The following ZRSR2 variants were observed in gnomAD, a reference collection of about 807,000 sequenced individuals.
The protein encoded by ZRSR2 is zinc finger CCCH-type, RNA binding motif and serine/arginine rich 2.
Under a neutral mutation model 39.4 loss-of-function variants are expected in ZRSR2, and 3 were observed. That is an observed-to-expected ratio of 0.08 (90% CI 0.03 to 0.20). The LOEUF (loss-of-function observed/expected upper bound fraction) is 0.20, where lower values mean the gene tolerates loss of function less well. Among genes scored for constraint, ZRSR2 ranks in the 10% least tolerant of loss-of-function variants. The pLI is 1.00. For missense variants in ZRSR2, 256 were observed against 391.5 expected (o/e 0.65, Z 2.92); for synonymous variants, 137 against 136.0 (o/e 1.01, Z -0.05).
At position 15,823,092 on chromosome X, in the gene ZRSR2, C is replaced by T; in HGVS notation, c.1299C>T (p.Arg433=). Residue 433 remains arginine (R), a synonymous_variant, in exon 11 of 11, where the codon CGC becomes CGT. Transcript: ENST00000307771. The part of the protein sequence containing the change: ...RGRNRDRSRD[R]SRGRGSRSRS... ...GAAATAGGGACCGCAGCAGGGACCG[C>T]AGCCGGGGCCGGGGCAGCCGGAGCC... The T allele has an allele frequency of 1.7e-6, 2 of 1,206,919 alleles. No homozygotes were observed. Among genetic ancestry groups the T allele is most frequent in the Non-Finnish European group, 2.2e-6 (2 of 892,745 alleles).
intron 1 of ZRSR2, 177 bp from the exon 2 acceptor site, chrX:15,790,757 C>T (rs1269079861): frequency 9.9e-6 from 6 of 607,557 alleles, no homozygotes; most frequent in Admixed American, 3.6e-5. Context: ...GAAGAACTGT[C>T]TGGGAGTGGG....
At chrX:15,808,624 CTTTTTTT>C (rs776535835) in intron 6 of ZRSR2, among the ~76,000 whole-genome samples, 1 of 94,928 alleles carries the variant, frequency 1.1e-5, no homozygotes, top group African/African-American at 3.9e-5. Context: ...CTCTTTTTTT[CTTTTTTT>C]TTTTTTTGAG....
chrX:15,804,145 G>T lies in ZRSR2; in HGVS notation c.347G>T (p.Arg116Met), dbSNP rs767518633. ...AAGGAACAATGGGAAGAACAGCAGA[G>T]GAAAGAGAGAGAAGAGGAGGAGCAG... ...KLKEQWEEQQRKEREEEEQKR... is the reference protein window; with the variant it reads ...KLKEQWEEQQMKEREEEEQKR... Residue 116 changes from arginine (R) to methionine (M), a missense_variant, in exon 5 of 11, where the codon AGG becomes ATG. By Grantham distance (91) the Arg-to-Met change is moderately conservative. Transcript: ENST00000307771. 5.0e-6 allele frequency: 6 copies of T among 1,195,626 alleles called. No individual in the cohort carries two copies. Among genetic ancestry groups the T allele is most frequent in the Non-Finnish European group, 6.7e-6 (6 of 889,400 alleles).
At chrX:15,803,888 A>T in intron 4 of ZRSR2, 92 bp downstream of exon 4, 1 of 1,097,797 alleles carries the variant, frequency 9.1e-7, no homozygotes, top group African/African-American at 1.8e-5. Flanking sequence ...GGTTGGAGTG[A>T]GCTGAGATCA....
intron 2 of ZRSR2, among the ~76,000 whole-genome samples, chrX:15,793,205 AT>A (rs1293305784): frequency 1.8e-5 from 2 of 112,174 alleles, no homozygotes; most frequent in African/African-American, 3.2e-5. Flanking sequence ...AATATTATAT[AT>A]TCTAAATTTG....
intron 8 of ZRSR2, among the ~76,000 whole-genome samples, chrX:15,817,028 A>G (rs1422227559): frequency 4.5e-5 from 5 of 111,665 alleles, no homozygotes; most frequent in Admixed American, 1.9e-4. Flanking sequence ...TGGTTTGACT[A>G]GCCTTGTCAC....
Position 15,804,127 on chromosome X carries a change from A to G in ZRSR2, c.329A>G (p.Gln110Arg). Residue 110 changes from glutamine (Q) to arginine (R), a missense_variant, in exon 5 of 11, where the codon CAA becomes CGA. Physicochemically the swap from Gln to Arg is conservative, Grantham distance 43. Transcript: ENST00000307771. ...QEEQERKLKE[Q>R]WEEQQRKERE... The stretch of plus-strand genomic sequence containing the variant: ...CCTTTAAAGAGAAAGTTAAAGGAAC[A>G]ATGGGAAGAACAGCAGAGGAAAGAG... 1 of 1,191,758 alleles carries G rather than the reference A, an allele frequency of 8.4e-7. No individual in the cohort carries two copies. The highest frequency in any genetic ancestry group is 1.1e-6 in the Non-Finnish European group (1 of 889,135).
intron 9 of ZRSR2, among the ~76,000 whole-genome samples, chrX:15,819,542 ACT>A (rs1933052961): frequency 9.0e-6 from 1 of 110,932 alleles, no homozygotes; most frequent in South Asian, 3.8e-4. Context: ...GTACCACGAC[ACT>A]CTAGCCTGGG....
At chrX:15,809,770 A>G (rs1370354842) in intron 7 of ZRSR2, among the ~76,000 whole-genome samples, 1 of 111,517 alleles carries the variant, frequency 9.0e-6, no homozygotes, top group African/African-American at 3.3e-5. Flanking sequence ...TGACCACACC[A>G]CTGCACTCCA....
rs1470360405 is a variant in ZRSR2, at chrX:15,818,621, A to G, written c.806A>G (p.Asn269Ser). Residue 269 changes from asparagine (N) to serine (S), a missense_variant, in exon 9 of 11, where the codon AAT becomes AGT. Coordinates refer to ENST00000307771, the MANE Select transcript of ZRSR2 (RefSeq NM_005089.4). ...AATTTGGAACCTCACCTGAGGGGCA[A>G]TGTATATGTTCAGTACCAGTCGTAA... ...SCNLEPHLRGNVYVQYQSEEE... is the reference protein window; with the variant it reads ...SCNLEPHLRGSVYVQYQSEEE... 1.7e-6 allele frequency: 2 copies of G among 1,205,541 alleles called. No homozygotes were observed. The highest frequency in any genetic ancestry group is 2.2e-6 in the Non-Finnish European group (2 of 892,498).
chrX:15,802,923 A>G lies in ZRSR2; in HGVS notation c.204-765A>G, dbSNP rs144696171. 3.6e-5 allele frequency among the ~76,000 whole-genome samples: 4 copies of G among 110,890 alleles called. No individual in the cohort carries two copies. The East Asian group carries it at 1.1e-3, about 31-fold the overall frequency. ...TAGTAGTAGTCCAAAGGTTTATGGCAAAGGATACTGGGTTTTCAGCGTGCT... is the reference window on the plus strand; with the variant it reads ...TAGTAGTAGTCCAAAGGTTTATGGCGAAGGATACTGGGTTTTCAGCGTGCT... On this transcript the variant is annotated intron_variant, in intron 3 of 10. Coordinates refer to ENST00000307771, the MANE Select transcript of ZRSR2 (RefSeq NM_005089.4).
chrX:15,800,623 G>A (rs1034906939), intron 3 of ZRSR2, among the ~76,000 whole-genome samples: 4 of 112,337 alleles, frequency 3.6e-5, no homozygotes, highest in South Asian at 3.6e-4. Context: ...TGTACTTTAC[G>A]TGTGTCTTTC....
At chrX:15,814,845 A>G (rs1000336559) in intron 7 of ZRSR2, among the ~76,000 whole-genome samples, 2 of 112,259 alleles carry the variant, frequency 1.8e-5, no homozygotes, top group African/African-American at 6.5e-5. Context: ...TAAAAATGCC[A>G]TGAAAGCTAC....
intron 1 of ZRSR2, 195 bp downstream of exon 1, chrX:15,790,731 C>T (rs1932244239): frequency 1.5e-6 from 1 of 650,806 alleles, no homozygotes; most frequent in Admixed American, 3.7e-5. Flanking sequence ...AGGAGAGGAT[C>T]AGGTTGGCGG....
At chrX:15,809,610 A>G (rs909300719) in intron 7 of ZRSR2, among the ~76,000 whole-genome samples, 1 of 112,322 alleles carries the variant, frequency 8.9e-6, no homozygotes, top group African/African-American at 3.2e-5. Context: ...CTGAGCTTGC[A>G]TTAGTCCATG....
chrX:15,799,297 C>T (rs1309346606), intron 2 of ZRSR2, among the ~76,000 whole-genome samples: 1 of 110,429 alleles, frequency 9.1e-6, no homozygotes, highest in Admixed American at 9.7e-5. Flanking sequence ...TGAATATACT[C>T]TTCCTAGCAA....
chrX:15,803,616 T>G, intron 3 of ZRSR2, 72 bp from the exon 4 acceptor site: 1 of 1,108,054 alleles, frequency 9.0e-7, no homozygotes, highest in Middle Eastern at 2.7e-4. Flanking sequence ...TGTGTCATTT[T>G]GCTCTCGTGT....
chrX:15,819,800 C>T (rs1467918377), intron 9 of ZRSR2, among the ~76,000 whole-genome samples: 4 of 111,404 alleles, frequency 3.6e-5, no homozygotes, highest in Non-Finnish European at 7.5e-5. Context: ...GCTAAGAGAG[C>T]AATTAATGTA....
At chrX:15,802,545 C>T (rs1418232741) in intron 3 of ZRSR2, among the ~76,000 whole-genome samples, 4 of 111,967 alleles carry the variant, frequency 3.6e-5, no homozygotes, top group African/African-American at 6.5e-5. Flanking sequence ...TTGCAAACTC[C>T]GCCTCCCAGA....
Sources: allele counts gnomAD v4.1 joint callset (sites outside exome capture counted in the v4.1 genomes callset), GRCh38; gene constraint gnomAD v4.1.1; transcripts MANE v1.5; gene names NCBI Gene and HGNC (gene_info 2026-07-23, HGNC 2026-07-21).